FAT3: variants seen among roughly 807,000 people sequenced by gnomAD.
FAT3 encodes FAT atypical cadherin 3, also known as protocadherin Fat 3.
Under a neutral mutation model 310.2 loss-of-function variants are expected in FAT3, and 95 were observed. The ratio of observed to expected loss-of-function variants is 0.31; its 90% CI spans 0.26 to 0.36. The LOEUF (loss-of-function observed/expected upper bound fraction) is 0.36, where lower values mean the gene tolerates loss of function less well. Ranked by LOEUF, FAT3 falls within the 10% of genes least tolerant of loss-of-function variation. The pLI is 1.00. For missense variants in FAT3, 5,408 were observed against 5,715.6 expected (o/e 0.95, Z 1.74); for synonymous variants, 2,314 against 2,192.9 (o/e 1.06, Z -1.54).
chr11:92,810,466 G>A (rs1345008373), intron 13 of FAT3, among the ~76,000 whole-genome samples: 1 of 152,114 alleles, frequency 6.6e-6, no homozygotes, highest in Non-Finnish European at 1.5e-5. Context: ...AATTTGATTT[G>A]TTTCCATGTC....
At chr11:92,607,215 G>T (rs1378644615) in intron 3 of FAT3, among the ~76,000 whole-genome samples, 1 of 151,954 alleles carries the variant, frequency 6.6e-6, no homozygotes, top group African/African-American at 2.4e-5. Context: ...ATATTCACTG[G>T]AATCTACCTT....
intron 2 of FAT3, among the ~76,000 whole-genome samples, chr11:92,392,599 A>G (rs926635014): frequency 6.6e-6 from 1 of 152,102 alleles, no homozygotes; most frequent in Non-Finnish European, 1.5e-5. Context: ...CTATACTGTA[A>G]TGTAGCACAT....
intron 2 of FAT3, among the ~76,000 whole-genome samples, chr11:92,382,854 A>T (rs929148602): frequency 6.6e-6 from 1 of 152,172 alleles, no homozygotes; most frequent in African/African-American, 2.4e-5. Flanking sequence ...TTTTAAGTTC[A>T]TGGGTACATG....
intron 6 of FAT3, among the ~76,000 whole-genome samples, chr11:92,773,727 G>A (rs984310651): frequency 2.0e-5 from 3 of 152,142 alleles, no homozygotes; most frequent in African/African-American, 7.2e-5. Flanking sequence ...GAAGCCACAA[G>A]AAGTTGAAGG....
chr11:92,553,507 G>A (rs1954891245), intron 3 of FAT3, among the ~76,000 whole-genome samples: 1 of 152,204 alleles, frequency 6.6e-6, no homozygotes, highest in African/African-American at 2.4e-5. Flanking sequence ...CCGGGCATCT[G>A]TTCAACTTTA....
At chr11:92,722,387 C>A (rs959381891) in intron 4 of FAT3, among the ~76,000 whole-genome samples, 2 of 152,214 alleles carry the variant, frequency 1.3e-5, no homozygotes, top group African/African-American at 4.8e-5. Flanking sequence ...GGGTGGGCTC[C>A]CATGGCCCTG....
At chr11:92,539,628 A>G (rs573498358) in intron 3 of FAT3, among the ~76,000 whole-genome samples, 1 of 152,196 alleles carries the variant, frequency 6.6e-6, no homozygotes, top group East Asian at 1.9e-4. Context: ...TAAAAGAAAA[A>G]CCTGTGTGTA....
At chr11:92,835,189 C>A in intron 15 of FAT3, 105 bp downstream of exon 15, 2 of 886,012 alleles carry the variant, frequency 2.3e-6, no homozygotes, top group Non-Finnish European at 3.4e-6. Flanking sequence ...CACACTTCCC[C>A]CTTTCAGTGT....
chr11:92,858,584 G>T (rs1292992258), intron 20 of FAT3, among the ~76,000 whole-genome samples: 2 of 152,172 alleles, frequency 1.3e-5, no homozygotes, highest in Non-Finnish European at 2.9e-5. Flanking sequence ...GAGCAATCGA[G>T]TTGGACAAAA....
At chr11:92,646,303 G>A (rs1942165654) in intron 3 of FAT3, among the ~76,000 whole-genome samples, 1 of 152,160 alleles carries the variant, frequency 6.6e-6, no homozygotes. Context: ...TTTTTCTCAT[G>A]GCTTAGAATT....
intron 6 of FAT3, among the ~76,000 whole-genome samples, chr11:92,771,161 A>G (rs1247313247): frequency 6.6e-6 from 1 of 151,506 alleles, no homozygotes; most frequent in Non-Finnish European, 1.5e-5. Context: ...CCTCCTCCCC[A>G]CCTTTTGTTG....
intron 3 of FAT3, among the ~76,000 whole-genome samples, chr11:92,631,027 C>G (rs757054180): frequency 1.8e-4 from 27 of 152,148 alleles, no homozygotes; most frequent in Non-Finnish European, 3.2e-4. Flanking sequence ...TGCCAGCAAC[C>G]ATATTGGTAT....
intron 2 of FAT3, among the ~76,000 whole-genome samples, chr11:92,461,565 T>C (rs1302505178): frequency 6.6e-6 from 1 of 152,138 alleles, no homozygotes; most frequent in Non-Finnish European, 1.5e-5. Context: ...ACAGATGAGC[T>C]GACATTTAAG....
chr11:92,544,076 T>C (rs1591428906), intron 3 of FAT3, among the ~76,000 whole-genome samples: 1 of 152,300 alleles, frequency 6.6e-6, no homozygotes, highest in Admixed American at 6.5e-5. Flanking sequence ...GGGAAGCTAT[T>C]TTGTGTGAGA....
intron 1 of FAT3, among the ~76,000 whole-genome samples, chr11:92,330,354 C>T (rs989759206): frequency 5.9e-5 from 9 of 152,188 alleles, no homozygotes; most frequent in Non-Finnish European, 7.3e-5. Flanking sequence ...GTTTGTCTGC[C>T]TGTTGGAGAA....
At chr11:92,548,623 A>G (rs1954698394) in intron 3 of FAT3, among the ~76,000 whole-genome samples, 1 of 152,210 alleles carries the variant, frequency 6.6e-6, no homozygotes, top group Non-Finnish European at 1.5e-5. Context: ...TTAAAAATTA[A>G]TTTGTACAAA....
chr11:92,533,528 G>A (rs987060618), intron 3 of FAT3, among the ~76,000 whole-genome samples: 68 of 152,184 alleles, frequency 4.5e-4, no homozygotes, highest in African/African-American at 1.5e-3. Context: ...ATTGTTACTT[G>A]GAAAATGATT....
intron 22 of FAT3, among the ~76,000 whole-genome samples, chr11:92,878,869 G>A (rs1370691308): frequency 1.3e-5 from 2 of 151,790 alleles, no homozygotes; most frequent in Non-Finnish European, 1.5e-5. Flanking sequence ...AGAGAAAACA[G>A]AGGAAAATAA....
chr11:92,289,793 C>G (rs2134390413), intron 1 of FAT3, among the ~76,000 whole-genome samples: 1 of 152,090 alleles, frequency 6.6e-6, no homozygotes, highest in East Asian at 1.9e-4. Context: ...CTTTACTGGT[C>G]TCTTTGCTTC....
Sources: gnomAD v4.1 joint callset for allele counts (sites outside exome capture counted in the v4.1 genomes callset) on GRCh38, gnomAD v4.1.1 for gene constraint, MANE v1.5 for transcripts, NCBI Gene and HGNC (gene_info 2026-07-23, HGNC 2026-07-21) for gene names.